The following CACNA2D1 variants were observed in gnomAD, a reference collection of about 807,000 sequenced individuals.
CACNA2D1 encodes calcium voltage-gated channel auxiliary subunit alpha2delta 1.
In CACNA2D1, 53 loss-of-function variants were observed where a neutral mutation model predicts 171.5. The ratio of observed to expected loss-of-function variants is 0.31; its 90% confidence interval spans 0.25 to 0.39. The LOEUF is 0.39. Ranked by LOEUF, CACNA2D1 falls within the 10% of genes least tolerant of loss-of-function variation. The pLI is 1.00. For synonymous variants in CACNA2D1, 442 were observed against 443.1 expected, an observed-to-expected ratio of 1.00 and a Z score of 0.03; for missense variants, 903 against 1,299.8, an observed-to-expected ratio of 0.69 and a Z score of 4.69.
chr7:82,267,397 C>G (rs1330805095), intron 3 of CACNA2D1, among the ~76,000 whole-genome samples: 1 of 152,094 alleles, frequency 6.6e-6, no homozygotes, highest in Non-Finnish European at 1.5e-5. Context: ...TCATAAGTGT[C>G]ACAATTAGTT....
chr7:82,224,359 G>A (rs1193786985), intron 3 of CACNA2D1, among the ~76,000 whole-genome samples: 3 of 152,030 alleles, frequency 2.0e-5, no homozygotes, highest in Non-Finnish European at 4.4e-5. Flanking sequence ...AGGCCGAGGC[G>A]GGCGGATCAC....
chr7:82,365,282 TA>T (rs1191400347), intron 1 of CACNA2D1, among the ~76,000 whole-genome samples: 1 of 152,218 alleles, frequency 6.6e-6, no homozygotes, highest in Non-Finnish European at 1.5e-5. Context: ...TCTAATGCAC[TA>T]CTGTTCAAAT....
chr7:81,990,473 G>A (rs1423687788), intron 21 of CACNA2D1, among the ~76,000 whole-genome samples: 3 of 151,938 alleles, frequency 2.0e-5, no homozygotes, highest in Non-Finnish European at 2.9e-5. Flanking sequence ...TGAGAGGGAT[G>A]TGACTGTTAA....
At chr7:82,034,783 A>G (rs1803100249) in intron 11 of CACNA2D1, among the ~76,000 whole-genome samples, 1 of 152,114 alleles carries the variant, frequency 6.6e-6, no homozygotes, top group African/African-American at 2.4e-5. Flanking sequence ...GGATGCAAAT[A>G]TCAATGTAAA....
intron 7 of CACNA2D1, among the ~76,000 whole-genome samples, chr7:82,074,866 T>C (rs1808767219): frequency 6.6e-6 from 1 of 152,042 alleles, no homozygotes; most frequent in South Asian, 2.1e-4. Flanking sequence ...CTGTAATATT[T>C]CCAGAATTTT....
intron 6 of CACNA2D1, among the ~76,000 whole-genome samples, chr7:82,104,859 T>G (rs1813131567): frequency 6.6e-6 from 1 of 152,090 alleles, no homozygotes; most frequent in Non-Finnish European, 1.5e-5. Flanking sequence ...TTAAAATGAT[T>G]ATATATAACA....
At chr7:82,061,782 GCTAA>G (rs766528971) in intron 9 of CACNA2D1, among the ~76,000 whole-genome samples, 27 of 152,156 alleles carry the variant, frequency 1.8e-4, no homozygotes, top group Non-Finnish European at 3.2e-4. Context: ...TATCAGTGCT[GCTAA>G]CTGGTTGAAG....
intron 36 of CACNA2D1, 86 bp from the exon 37 acceptor site, chr7:81,959,915 G>A (rs1028179228): frequency 1.3e-6 from 2 of 1,526,640 alleles, no homozygotes; most frequent in Non-Finnish European, 1.8e-6. Flanking sequence ...ATATTAAAAT[G>A]AAAGACAAAA....
chr7:82,267,684 C>G (rs1033898422), intron 3 of CACNA2D1, among the ~76,000 whole-genome samples: 1 of 152,082 alleles, frequency 6.6e-6, no homozygotes, highest in Non-Finnish European at 1.5e-5. Flanking sequence ...GAAACGAAAG[C>G]TTTTGAAAGC....
At chr7:82,344,848 T>C (rs1290296940) in intron 2 of CACNA2D1, among the ~76,000 whole-genome samples, 2 of 152,200 alleles carry the variant, frequency 1.3e-5, no homozygotes, top group Admixed American at 1.3e-4. Flanking sequence ...ACATATGGAA[T>C]TAATAATAAA....
chr7:81,951,091 A>G (rs1792463676), intron 38 of CACNA2D1, among the ~76,000 whole-genome samples: 2 of 152,100 alleles, frequency 1.3e-5, no homozygotes, highest in Non-Finnish European at 2.9e-5. Flanking sequence ...ATTTGGACAC[A>G]TATAGGATTT....
At chr7:82,147,754 G>C (rs74584533) in intron 4 of CACNA2D1, among the ~76,000 whole-genome samples, 12,961 of 151,990 alleles carry the variant, frequency 0.085, 601 homozygotes, top group Middle Eastern at 0.24. Flanking sequence ...CAAAATATGA[G>C]GATTAACACT....
intron 1 of CACNA2D1, among the ~76,000 whole-genome samples, chr7:82,392,058 G>C (rs1169331316): frequency 6.6e-6 from 1 of 152,140 alleles, no homozygotes; most frequent in Non-Finnish European, 1.5e-5. Context: ...AAACCTAAAA[G>C]CCAAGCTACA....
At chr7:82,374,387 C>T (rs1445180694) in intron 1 of CACNA2D1, among the ~76,000 whole-genome samples, 10 of 152,164 alleles carry the variant, frequency 6.6e-5, no homozygotes, top group Admixed American at 6.6e-4. Context: ...ACAGACACGG[C>T]TCTATTTGTA....
At position 82,359,475 on chromosome 7, in the gene CACNA2D1, T is replaced by C. The variant is rs543915688; in HGVS notation, c.96-9826A>G. Among the ~76,000 whole-genome samples the C allele has an allele frequency of 5.9e-5, 9 of 152,282 alleles. No homozygotes were observed. In the South Asian group the frequency reaches 1.2e-3, roughly 21 times the overall value. On this transcript the variant is annotated intron_variant, in intron 1 of 38. Transcript: ENST00000356860. ...CCTAAATGGTGAATCTACTTCCCCA[T>C]ATAGATCAGTATCTCCAGTCCAGCG...
chr7:82,152,202 T>C (rs1349651058), intron 4 of CACNA2D1, among the ~76,000 whole-genome samples: 3 of 151,956 alleles, frequency 2.0e-5, no homozygotes, highest in Non-Finnish European at 4.4e-5. Context: ...GTAAATGATA[T>C]GAAAACCACA....
Position 82,306,549 on chromosome 7 carries a change from G to A in CACNA2D1, c.294+28586C>T, listed in dbSNP as rs115620683. ...GTCACAGATTAATGGGTTAGTGACT[G>A]GCAGCTTCCCACAAATTTCTGAGAG... On this transcript the variant is annotated intron_variant, in intron 3 of 38. Transcript: ENST00000356860. Among the ~76,000 whole-genome samples the A allele has an allele frequency of 4.4e-3, 673 of 152,278 alleles. 6 individuals are homozygous for A. The highest frequency in any genetic ancestry group is 0.042 in the South Asian group (203 of 4,816).
At chr7:82,073,406 A>G (rs1808555286) in intron 7 of CACNA2D1, among the ~76,000 whole-genome samples, 1 of 152,226 alleles carries the variant, frequency 6.6e-6, no homozygotes, top group Admixed American at 6.5e-5. Context: ...GATACGAGGC[A>G]TACAAATATG....
intron 10 of CACNA2D1, among the ~76,000 whole-genome samples, chr7:82,056,122 G>A (rs1229092566): frequency 6.6e-6 from 1 of 151,126 alleles, no homozygotes; most frequent in Non-Finnish European, 1.5e-5. Flanking sequence ...TGCAGGATCT[G>A]CCTAATATGA....
Sources: gnomAD v4.1 joint callset for allele counts (sites outside exome capture counted in the v4.1 genomes callset) on GRCh38, gnomAD v4.1.1 for gene constraint, MANE v1.5 for transcripts, NCBI Gene and HGNC (gene_info 2026-07-23, HGNC 2026-07-21) for gene names.